Variants in RTN4R observed in about 807,000 individuals in gnomAD.
RTN4R encodes the protein reticulon 4 receptor, also known as reticulon-4 receptor.
RTN4R carries 4 observed loss-of-function variants against 27.7 expected under a neutral mutation model. That is an observed-to-expected ratio of 0.14 (90% confidence interval 0.07 to 0.33). The LOEUF (loss-of-function observed/expected upper bound fraction) is 0.33. Among genes scored for constraint, RTN4R ranks in the 10% least tolerant of loss-of-function variants. The pLI is 1.00. For synonymous variants in RTN4R, 290 were observed against 305.6 expected, an observed-to-expected ratio of 0.95 and a Z score of 0.53; for missense variants, 554 against 671.5, an observed-to-expected ratio of 0.83 and a Z score of 1.93.
At chr22:20,257,839 T>TGA (rs955465322) in intron 1 of RTN4R, among the ~76,000 whole-genome samples, 1 of 152,090 alleles carries the variant, frequency 6.6e-6, no homozygotes, top group Non-Finnish European at 1.5e-5. Flanking sequence ...GCCCCCTCCA[T>TGA]GAGCCCCCAC....
chr22:20,244,659 A>G (rs934653120), intron 1 of RTN4R, among the ~76,000 whole-genome samples: 5 of 151,162 alleles, frequency 3.3e-5, no homozygotes, highest in South Asian at 4.2e-4. Flanking sequence ...CTTTCTACAC[A>G]CTCTTCCTAG....
Position 20,242,844 on chromosome 22 carries a change from C to A in RTN4R, c.289G>T (p.Asp97Tyr). The change falls in exon 2 of 2, where the codon GAT becomes TAT. Residue 97 changes from aspartate (D) to tyrosine (Y), a missense_variant. Transcript: ENST00000043402. Reference sequence around the variant, plus strand: ...GCCAGGCCAGTGAAGGCAGCCGCATCAATTCGGGCCAGCACATTCGAGTGC... The same window carrying A: ...GCCAGGCCAGTGAAGGCAGCCGCATAAATTCGGGCCAGCACATTCGAGTGC... Reference protein sequence around the residue: ...WLHSNVLARIDAAAFTGLALL... With the variant: ...WLHSNVLARIYAAAFTGLALL... 1 of 1,613,004 alleles carries A rather than the reference C, an allele frequency of 6.2e-7. No individual in the cohort carries two copies. Among genetic ancestry groups the A allele is most frequent in the Non-Finnish European group, 8.5e-7 (1 of 1,179,940 alleles).
chr22:20,242,189 G>C lies in RTN4R; in HGVS notation c.944C>G (p.Pro315Arg). ...DLQGCAVATG[P>R]YHPIWTGRAT... ...CCTGCCGGTCCAGATGGGATGGTAA[G>C]GGCCGGTGGCCACAGCGCAGCCCTG... is the stretch of plus-strand genomic sequence containing the variant. The change falls in exon 2 of 2, where the codon CCT (proline) becomes CGT (arginine). Residue 315 changes from proline to arginine, a missense_variant. Pro to Arg is a moderately radical substitution (Grantham distance 103). This residue lies in a region of RTN4R where 413 missense variants were observed against 542.3 expected (regional missense o/e 0.76). Transcript: ENST00000043402. The C allele has an allele frequency of 6.2e-7, 1 of 1,610,922 alleles. No homozygotes were observed.
chr22:20,253,319 G>T (rs116729469), intron 1 of RTN4R, among the ~76,000 whole-genome samples: 1 of 152,170 alleles, frequency 6.6e-6, no homozygotes, highest in South Asian at 2.1e-4. Context: ...GCTCAGAGTC[G>T]AGTTGCTGTG....
chr22:20,265,633 T>G (rs569692170), intron 1 of RTN4R, among the ~76,000 whole-genome samples: 6 of 152,194 alleles, frequency 3.9e-5, no homozygotes, highest in Non-Finnish European at 8.8e-5. Flanking sequence ...TCTCCCAAGC[T>G]GGGCAGCATC....
At chr22:20,265,138 G>A (rs1216543865) in intron 1 of RTN4R, among the ~76,000 whole-genome samples, 3 of 152,194 alleles carry the variant, frequency 2.0e-5, no homozygotes, top group East Asian at 1.9e-4. Context: ...GTGTTGCACC[G>A]GCTGCACAGG....
intron 1 of RTN4R, among the ~76,000 whole-genome samples, chr22:20,246,629 G>A (rs1008252046): frequency 3.9e-4 from 59 of 152,304 alleles, no homozygotes; most frequent in African/African-American, 1.4e-3. Flanking sequence ...GAGCAGGGAT[G>A]GCCTTCTTCA....
At chr22:20,243,626 A>G (rs1453501565) in intron 1 of RTN4R, 2 of 421,694 alleles carry the variant, frequency 4.7e-6, no homozygotes, top group Non-Finnish European at 9.9e-6. Context: ...AAGTGTGTCC[A>G]GGGCTTAGGA....
chr22:20,257,306 C>G (rs1182592597), intron 1 of RTN4R, among the ~76,000 whole-genome samples: 1 of 152,246 alleles, frequency 6.6e-6, no homozygotes, highest in Non-Finnish European at 1.5e-5. Context: ...GCGTCTCCCC[C>G]AGATTCACGT....
chr22:20,243,741 CT>C lies in RTN4R; in HGVS notation c.23-632del, dbSNP rs891491282. On this transcript the variant is annotated intron_variant, in intron 1 of 1. Transcript: ENST00000043402. ...GGAACCCTCCTGAAGCCTCCGCCCCCTGGCCTCATTCTCTGCTCCATCTCCT... is the reference window on the plus strand; with the variant it reads ...GGAACCCTCCTGAAGCCTCCGCCCCCGGCCTCATTCTCTGCTCCATCTCCT... 2.9e-5 allele frequency: 10 copies of C among 342,208 alleles called. No homozygotes were observed. The Admixed American group carries it at 3.0e-4, about 10-fold the overall frequency. 21.2% of individuals were successfully genotyped at this position (342,208 alleles called of 1,614,324 possible).
Position 20,246,621 on chromosome 22 carries a change from G to A in RTN4R, c.23-3511C>T, listed in dbSNP as rs1196584384. ...AGCCCAGGGAGCTGAGCCGAGCCGA[G>A]CAGGGATGGCCTTCTTCATGTGGTC... On this transcript the variant is annotated intron_variant, in intron 1 of 1. Transcript: ENST00000043402. Among the ~76,000 whole-genome samples, 4 of 152,330 alleles carry A rather than the reference G, an allele frequency of 2.6e-5. No homozygotes were observed. In the South Asian group the frequency reaches 8.3e-4, roughly 32 times the overall value.
Position 20,242,824 on chromosome 22 carries a change from G to C in RTN4R, c.309C>G (p.Gly103=). 6.2e-7 allele frequency: 1 copy of C among 1,613,074 alleles called. No individual in the cohort carries two copies. The highest frequency in any genetic ancestry group is 1.1e-5 in the South Asian group (1 of 91,086). ...LARIDAAAFT[G]LALLEQLDLS... is the part of the protein sequence containing the mutation. ...GGTCCAGCTGCTCCAGGAGGGCCAG[G>C]CCAGTGAAGGCAGCCGCATCAATTC... Residue 103 remains glycine, a synonymous_variant, in exon 2 of 2, where the codon GGC becomes GGG. Transcript: ENST00000043402.
intron 1 of RTN4R, among the ~76,000 whole-genome samples, chr22:20,264,178 T>C (rs2051264070): frequency 6.6e-6 from 1 of 152,182 alleles, no homozygotes; most frequent in African/African-American, 2.4e-5. Flanking sequence ...TCTCCCAGTG[T>C]CCAGCTCCAC....
At chr22:20,248,046 G>C (rs1224452231) in intron 1 of RTN4R, among the ~76,000 whole-genome samples, 1 of 152,162 alleles carries the variant, frequency 6.6e-6, no homozygotes, top group Non-Finnish European at 1.5e-5. Flanking sequence ...CAGGCCAGAG[G>C]CTGGGCCCTT....
chr22:20,265,193 G>A lies in RTN4R; in HGVS notation c.22+2878C>T, dbSNP rs1409780784. Among the ~76,000 whole-genome samples the A allele has an allele frequency of 3.3e-5, 5 of 152,240 alleles. No individual in the cohort carries two copies. The East Asian group carries it at 5.8e-4, about 18-fold the overall frequency. ...ATGAATTCAAGGCTGGGGCAGGGAC[G>A]AGGAGAGGGCAATGCTACAAGGCTG... On this transcript the variant is annotated intron_variant, in intron 1 of 1. Transcript: ENST00000043402.
At chr22:20,243,309 C>G in intron 1 of RTN4R, 199 bp from the exon 2 acceptor site, 1 of 692,486 alleles carries the variant, frequency 1.4e-6, no homozygotes, top group South Asian at 1.6e-5. Context: ...TGGGCTAGAA[C>G]ATGCCTTGGA....
intron 1 of RTN4R, among the ~76,000 whole-genome samples, chr22:20,249,819 G>A (rs750946277): frequency 3.3e-5 from 5 of 152,210 alleles, no homozygotes; most frequent in African/African-American, 9.7e-5. Context: ...GCCTCTGTCC[G>A]AGCAGAATTT....
Position 20,242,356 on chromosome 22 carries a change from G to T in RTN4R, c.777C>A (p.Asp259Glu), listed in dbSNP as rs534155094. 6.2e-7 allele frequency: 1 copy of T among 1,612,682 alleles called. No homozygotes were observed. Among genetic ancestry groups the T allele is most frequent in the African/African-American group, 1.3e-5 (1 of 75,058 alleles). Residue 259 changes from aspartate to glutamate, a missense_variant, in exon 2 of 2, where the codon GAC becomes GAA. Coordinates refer to ENST00000043402, the MANE Select transcript of RTN4R (RefSeq NM_023004.6). ...LRALQYLRLN[D>E]NPWVCDCRAR... ...CCCGGCAGTCACACACCCAGGGGTT[G>T]TCGTTGAGCCTCAGGTACTGCAGGG...
At chr22:20,259,169 T>A (rs924311226) in intron 1 of RTN4R, among the ~76,000 whole-genome samples, 3 of 152,108 alleles carry the variant, frequency 2.0e-5, no homozygotes, top group Admixed American at 2.0e-4. Flanking sequence ...CCATCACCCA[T>A]CATCCGCCTC....
Sources: allele counts gnomAD v4.1 joint callset (sites outside exome capture counted in the v4.1 genomes callset), GRCh38; gene constraint gnomAD v4.1.1; regional missense constraint gnomAD v4.1.1; transcripts MANE v1.5; gene names NCBI Gene and HGNC (gene_info 2026-07-23, HGNC 2026-07-21).